The following USP12 variants were observed in gnomAD, a reference collection of about 807,000 sequenced individuals.
USP12 encodes ubiquitin carboxyl-terminal hydrolase 12.
Under a neutral mutation model 45.5 loss-of-function variants are expected in USP12, and 19 were observed. The ratio of observed to expected loss-of-function variants is 0.42; its 90% CI spans 0.29 to 0.61. The LOEUF (loss-of-function observed/expected upper bound fraction) is 0.61, where lower values mean the gene tolerates loss of function less well. Ranked by LOEUF, USP12 falls within the 20% of genes least tolerant of loss-of-function variation. USP12 has a pLI of 0.22. For missense variants in USP12, 242 were observed against 447.7 expected, an observed-to-expected ratio of 0.54 and a Z score of 4.15; for synonymous variants, 149 against 148.8, an observed-to-expected ratio of 1.00 and a Z score of -0.01.
Position 27,067,502 on chromosome 13 carries a change from AC to A in USP12, c.*1780del. On this transcript the variant is annotated 3_prime_UTR_variant, in exon 9 of 9. Coordinates refer to ENST00000282344, the MANE Select transcript of USP12 (RefSeq NM_182488.4). Reference sequence around the variant, plus strand: ...ATCTTAAAAAGAAACTTGTCAAAATACTTTTTGATATTTTGTACAAATACTA... The same window carrying A: ...ATCTTAAAAAGAAACTTGTCAAAATATTTTTGATATTTTGTACAAATACTA... 1 of 152,164 alleles carries A rather than the reference AC, an allele frequency of 6.6e-6. No homozygotes were observed. The highest frequency in any genetic ancestry group is 6.6e-5 in the Admixed American group (1 of 15,264). 9.4% of individuals were successfully genotyped at this position (152,164 alleles called of 1,614,324 possible).
chr13:27,106,175 A>G (rs1469078363), intron 2 of USP12, among the ~76,000 whole-genome samples: 1 of 152,148 alleles, frequency 6.6e-6, no homozygotes, highest in Non-Finnish European at 1.5e-5. Flanking sequence ...TAAAACACAC[A>G]AAAACAAAAA....
At chr13:27,082,745 G>C (rs1873820145) in intron 6 of USP12, among the ~76,000 whole-genome samples, 1 of 152,186 alleles carries the variant, frequency 6.6e-6, no homozygotes, top group Non-Finnish European at 1.5e-5. Flanking sequence ...CAATATTGTT[G>C]TGTCTTAGGG....
At chr13:27,084,606 G>A (rs750518991) in intron 6 of USP12, among the ~76,000 whole-genome samples, 2 of 151,414 alleles carry the variant, frequency 1.3e-5, no homozygotes, top group African/African-American at 2.4e-5. Context: ...TCTTTTTCGT[G>A]TGGATATTCA....
intron 1 of USP12, among the ~76,000 whole-genome samples, chr13:27,121,948 A>G (rs1210615008): frequency 6.6e-6 from 1 of 152,230 alleles, no homozygotes; most frequent in East Asian, 1.9e-4. Flanking sequence ...TGAATTGATT[A>G]TAAGAACAAA....
At chr13:27,140,529 A>G (rs1877008124) in intron 1 of USP12, among the ~76,000 whole-genome samples, 1 of 152,216 alleles carries the variant, frequency 6.6e-6, no homozygotes, top group African/African-American at 2.4e-5. Flanking sequence ...GGTACCATTT[A>G]TTAAGTGCCT....
intron 2 of USP12, 136 bp from the exon 3 acceptor site, chr13:27,106,080 T>C (rs1029103157): frequency 1.5e-6 from 1 of 680,564 alleles, no homozygotes; most frequent in East Asian, 3.0e-5. Flanking sequence ...TGCATTATAT[T>C]ATACATTTTA....
At chr13:27,160,781 CTTT>C (rs555444474) in intron 1 of USP12, among the ~76,000 whole-genome samples, 6 of 143,140 alleles carry the variant, frequency 4.2e-5, no homozygotes, top group African/African-American at 1.5e-4. Flanking sequence ...CATCATGTTT[CTTT>C]TTTTTTTTTT....
At chr13:27,128,108 C>T (rs146701049) in intron 1 of USP12, among the ~76,000 whole-genome samples, 1 of 152,204 alleles carries the variant, frequency 6.6e-6, no homozygotes, top group East Asian at 1.9e-4. Flanking sequence ...AAAGAAGATT[C>T]GGATTTACCT....
chr13:27,168,811 A>G (rs1357889575), intron 1 of USP12: 1 of 152,244 alleles, frequency 6.6e-6, no homozygotes, highest in African/African-American at 2.4e-5. Context: ...ATTGTTTTTA[A>G]CAGTTACTTA....
chr13:27,148,727 T>C (rs1270456350), intron 1 of USP12, among the ~76,000 whole-genome samples: 1 of 143,910 alleles, frequency 6.9e-6, no homozygotes, highest in African/African-American at 2.6e-5. Flanking sequence ...AAGAGGTAGG[T>C]TGAAATGGGC....
intron 3 of USP12, among the ~76,000 whole-genome samples, chr13:27,104,206 A>T (rs1057191197): frequency 1.3e-5 from 2 of 152,032 alleles, no homozygotes; most frequent in African/African-American, 4.8e-5. Context: ...AATTTTTAAA[A>T]TTTTTTGTGA....
intron 1 of USP12, among the ~76,000 whole-genome samples, chr13:27,138,854 T>C (rs1344625503): frequency 6.6e-6 from 1 of 152,196 alleles, no homozygotes; most frequent in Admixed American, 6.5e-5. Context: ...GAGAAACCCA[T>C]ATTCACCCTG....
chr13:27,087,320 G>A (rs1004593435), intron 6 of USP12, among the ~76,000 whole-genome samples: 2 of 152,138 alleles, frequency 1.3e-5, no homozygotes, highest in East Asian at 3.9e-4. Flanking sequence ...GCGGGGGCAG[G>A]AAGGCAGAGA....
At chr13:27,102,653 T>C (rs562858461) in intron 3 of USP12, among the ~76,000 whole-genome samples, 45 of 152,350 alleles carry the variant, frequency 3.0e-4, no homozygotes, top group African/African-American at 1.1e-3. Context: ...TGATCTAACA[T>C]TACCTAATCA....
intron 1 of USP12, among the ~76,000 whole-genome samples, chr13:27,137,773 A>G (rs545379092): frequency 6.6e-6 from 1 of 152,350 alleles, no homozygotes; most frequent in African/African-American, 2.4e-5. Context: ...ATGACGGAAG[A>G]GATGGGATGT....
At chr13:27,086,665 G>A (rs1023989392) in intron 6 of USP12, among the ~76,000 whole-genome samples, 1 of 152,012 alleles carries the variant, frequency 6.6e-6, no homozygotes, top group Non-Finnish European at 1.5e-5. Flanking sequence ...CATCATTCTA[G>A]GGAAAGGGTG....
intron 3 of USP12, among the ~76,000 whole-genome samples, chr13:27,102,837 A>T (rs74041187): frequency 6.6e-6 from 1 of 152,148 alleles, no homozygotes; most frequent in Non-Finnish European, 1.5e-5. Context: ...ATCAGTTCCT[A>T]AACAGTGTCT....
Position 27,090,153 on chromosome 13 carries a change from G to A in USP12, c.579C>T (p.Ser193=), listed in dbSNP as rs946648707. ...GGTCTAAAAAATCTTCATCTTTGCTGCTTATCTGTAAAAACAGTGAATTGT... is the reference window on the plus strand; with the variant it reads ...GGTCTAAAAAATCTTCATCTTTGCTACTTATCTGTAAAAACAGTGAATTGT... ...ETRCLTCETI[S]SKDEDFLDLS... The change falls in exon 5 of 9, where the codon AGC becomes AGT. Residue 193 remains serine, a synonymous_variant. Coordinates refer to ENST00000282344, the MANE Select transcript of USP12 (RefSeq NM_182488.4). The A allele has an allele frequency of 1.9e-6, 3 of 1,574,518 alleles. No individual in the cohort carries two copies. The South Asian group carries it at 3.5e-5, about 18-fold the overall frequency.
chr13:27,069,258 A>T lies in USP12; in HGVS notation c.*25T>A, dbSNP rs1284516030. ...TAACCAGAGAAGAAATGAGGCAGAA[A>T]GTGTCTCTTCATCACGGTTCCCTCT... On this transcript the variant is annotated 3_prime_UTR_variant, in exon 9 of 9. Transcript: ENST00000282344. The T allele has an allele frequency of 1.9e-6, 3 of 1,560,912 alleles. No individual in the cohort carries two copies. Among genetic ancestry groups the T allele is most frequent in the Non-Finnish European group, 2.6e-6 (3 of 1,134,040 alleles).
Sources: gnomAD v4.1 joint callset for allele counts (sites outside exome capture counted in the v4.1 genomes callset) on GRCh38, gnomAD v4.1.1 for gene constraint, MANE v1.5 for transcripts, NCBI Gene and HGNC (gene_info 2026-07-23, HGNC 2026-07-21) for gene names.